Variants in PPFIA4 observed in about 807,000 individuals in gnomAD.
PPFIA4 encodes liprin-alpha-4.
Under a neutral mutation model 145.7 loss-of-function variants are expected in PPFIA4, and 98 were observed. The ratio of observed to expected loss-of-function variants is 0.67; its 90% CI spans 0.57 to 0.80. The LOEUF (loss-of-function observed/expected upper bound fraction) is 0.80. PPFIA4 is among the 30% of genes least tolerant of loss of function. PPFIA4 has a pLI of 0.00. For synonymous variants in PPFIA4, 628 were observed against 649.6 expected (o/e 0.97, Z 0.51); for missense variants, 1,457 against 1,632.7 (o/e 0.89, Z 1.85).
In PPFIA4 at chr1:203,078,502, A is replaced by C. The variant is rs114785998; in HGVS notation, c.*2112A>C. ...GGTGTTAAGAAGAGAACTCTGTGCA[A>C]ACAGTGATGGAAGGCTGTTGTCTTG... is the stretch of plus-strand genomic sequence containing the variant. On this transcript the variant is annotated 3_prime_UTR_variant, in exon 30 of 30. Coordinates refer to ENST00000295706, the MANE Select transcript of PPFIA4 (RefSeq NM_001304331.2). 4 of 152,532 alleles carry C rather than the reference A, an allele frequency of 2.6e-5. No homozygotes were observed. The highest frequency in any genetic ancestry group is 9.7e-5 in the African/African-American group (4 of 41,388). 9.4% of individuals were successfully genotyped at this position (152,532 alleles called of 1,614,324 possible).
At chr1:203,029,442 C>T (rs1242359056) in intron 1 of PPFIA4, among the ~76,000 whole-genome samples, 1 of 152,240 alleles carries the variant, frequency 6.6e-6, no homozygotes, top group African/African-American at 2.4e-5. Flanking sequence ...CCTGGCTGTG[C>T]CAGAGACTGA....
At chr1:203,051,596 CGTCT>C in intron 13 of PPFIA4, 169 bp from the exon 14 acceptor site, 1 of 1,260,644 alleles carries the variant, frequency 7.9e-7, no homozygotes, top group Non-Finnish European at 1.1e-6. Flanking sequence ...CCAGGGCATA[CGTCT>C]GCTCTCTTGC....
intron 12 of PPFIA4, 113 bp downstream of exon 12, chr1:203,049,093 T>C: frequency 1.1e-6 from 1 of 940,382 alleles, no homozygotes. Flanking sequence ...AGTGCATATG[T>C]TAGTGCACTA....
chr1:203,076,154 C>T, intron 29 of PPFIA4, 187 bp from the exon 30 acceptor site: 1 of 667,482 alleles, frequency 1.5e-6, no homozygotes, highest in South Asian at 1.8e-5. Flanking sequence ...GGCTGCCGGC[C>T]TGGCCCTGCC....
Position 203,053,841 on chromosome 1 carries a change from A to G in PPFIA4, c.1709A>G (p.Glu570Gly). 6.4e-7 allele frequency: 1 copy of G among 1,554,654 alleles called. No homozygotes were observed. Among genetic ancestry groups the G allele is most frequent in the Non-Finnish European group, 8.7e-7 (1 of 1,148,584 alleles). Residue 570 changes from glutamate (E) to glycine (G), a missense_variant, in exon 15 of 30, where the codon GAG becomes GGG. By Grantham distance (98) the Glu-to-Gly change is moderately conservative. Transcript: ENST00000295706. Reference sequence around the variant, plus strand: ...GACCCTGAGATCTCCGACGTGGATGAGGATGAGCCAGGGGGTCTGGTGGGC... The same window carrying G: ...GACCCTGAGATCTCCGACGTGGATGGGGATGAGCCAGGGGGTCTGGTGGGC... ...DSDPEISDVD[E>G]DEPGGLVGSA...
In PPFIA4 at chr1:203,043,952, T is replaced by C. The variant is rs771898675; in HGVS notation, c.358T>C (p.Cys120Arg). ...CCAGCTGCTTCTGGAACATCTGGAG[T>C]GCCTGGTGTCCCGCCATGAACGGTC... is the stretch of plus-strand genomic sequence containing the variant. Reference protein sequence around the residue: ...NTRLLLEHLECLVSRHERSLR... With the variant: ...NTRLLLEHLERLVSRHERSLR... Residue 120 changes from cysteine to arginine, a missense_variant, in exon 4 of 30, where the codon TGC (cysteine) becomes CGC (arginine). By Grantham distance (180) the Cys-to-Arg change is radical (BLOSUM62 -3). This residue lies in a region of PPFIA4 where 463 missense variants were observed against 459.8 expected (regional missense o/e 1.01). Transcript: ENST00000295706. The surrounding 1 kb of genome is among the most constrained non-coding windows in gnomAD (Gnocchi z 4.4). The C allele has an allele frequency of 3.7e-6, 6 of 1,607,492 alleles. No homozygotes were observed. In the Admixed American group the frequency reaches 6.7e-5, roughly 18 times the overall value.
intron 19 of PPFIA4, among the ~76,000 whole-genome samples, chr1:203,058,613 G>T (rs1038109871): frequency 4.6e-5 from 7 of 152,198 alleles, no homozygotes; most frequent in African/African-American, 1.7e-4. Context: ...GGACTTAAAA[G>T]AATTCTAAGA....
chr1:203,073,691 C>G (rs145530040), intron 28 of PPFIA4, among the ~76,000 whole-genome samples: 1 of 152,022 alleles, frequency 6.6e-6, no homozygotes, highest in Non-Finnish European at 1.5e-5. Context: ...GAGATGAGGA[C>G]TCAAGGGAAA....
intron 2 of PPFIA4, among the ~76,000 whole-genome samples, chr1:203,041,219 A>C (rs2102626259): frequency 6.6e-6 from 1 of 152,358 alleles, no homozygotes; most frequent in South Asian, 2.1e-4. Context: ...GTTTAGAAGC[A>C]GCAGGTGATC....
intron 1 of PPFIA4, among the ~76,000 whole-genome samples, chr1:203,032,412 T>C (rs1571653386): frequency 8.3e-6 from 1 of 120,928 alleles, no homozygotes; most frequent in Non-Finnish European, 1.8e-5. Flanking sequence ...AGGCTTGTAG[T>C]TCTCCCTTCC....
In PPFIA4 at chr1:203,056,874, G is replaced by A. The variant is rs766066959; in HGVS notation, c.2331G>A (p.Ser777=). The change falls in exon 19 of 30, where the codon TCG becomes TCA. Residue 777 remains serine (S), a synonymous_variant. Coordinates refer to ENST00000295706, the MANE Select transcript of PPFIA4 (RefSeq NM_001304331.2). ...GCGCCAAGCGCAAGGGCATCAAGTC[G>A]TCCATTGGCCGCCTGTTTGGGAAGA... is the stretch of plus-strand genomic sequence containing the variant. ...HKGAKRKGIK[S]SIGRLFGKKE... 8.1e-6 allele frequency: 13 copies of A among 1,614,088 alleles called. No homozygotes were observed. The Admixed American group carries it at 1.3e-4, about 17-fold the overall frequency.
chr1:203,046,211 T>A, intron 8 of PPFIA4, 37 bp from the exon 9 acceptor site: 1 of 1,563,724 alleles, frequency 6.4e-7, no homozygotes, highest in Non-Finnish European at 8.7e-7. Context: ...GCTTCAGTGC[T>A]CCCTTTTGAA....
chr1:203,054,184 A>G, intron 15 of PPFIA4: 1 of 698,588 alleles, frequency 1.4e-6, no homozygotes, highest in Non-Finnish European at 2.6e-6. Context: ...AGGGCTTGCG[A>G]TGTGGCTGGG....
rs1468410437 is a variant in PPFIA4, at chr1:203,039,192, A to G, written c.184A>G (p.Ile62Val). ...AATQSRLQDA[I>V]HERDQLQRHL... is the part of the protein sequence containing the mutation. ...CACACAGAGCCGGCTCCAGGATGCC[A>G]TACACGAGCGGGACCAGCTCCAGCG... Residue 62 changes from isoleucine to valine, a missense_variant, in exon 2 of 30, where the codon ATA becomes GTA. Around this residue, in one of 3 missense-constraint regions of PPFIA4, gnomAD observed 463 missense variants for 459.8 expected, o/e 1.01. Coordinates refer to ENST00000295706, the MANE Select transcript of PPFIA4 (RefSeq NM_001304331.2). The G allele has an allele frequency of 6.2e-7, 1 of 1,606,906 alleles. No homozygotes were observed. The highest frequency in any genetic ancestry group is 8.5e-7 in the Non-Finnish European group (1 of 1,177,280).
chr1:203,065,499 A>C (rs1249673131), intron 25 of PPFIA4, among the ~76,000 whole-genome samples: 1 of 152,144 alleles, frequency 6.6e-6, no homozygotes, highest in Non-Finnish European at 1.5e-5. Context: ...CCCAGCCAGG[A>C]CTATGGAAAT....
intron 1 of PPFIA4, among the ~76,000 whole-genome samples, chr1:203,030,839 A>ATG (rs1658772661): frequency 6.6e-6 from 1 of 152,200 alleles, no homozygotes; most frequent in Admixed American, 6.5e-5. Flanking sequence ...ATGCTTATGC[A>ATG]TGTATGACCA....
chr1:203,031,721 T>G (rs1658846214), intron 1 of PPFIA4, among the ~76,000 whole-genome samples: 1 of 152,242 alleles, frequency 6.6e-6, no homozygotes, highest in African/African-American at 2.4e-5. Flanking sequence ...ATCCCTAGTT[T>G]TGAAATATTT....
intron 1 of PPFIA4, among the ~76,000 whole-genome samples, chr1:203,028,267 G>A (rs1427755831): frequency 1.3e-5 from 2 of 152,156 alleles, no homozygotes; most frequent in Non-Finnish European, 2.9e-5. Flanking sequence ...TCTGGCTGCT[G>A]GGCTGTAAAG....
chr1:203,045,501 G>C lies in PPFIA4; in HGVS notation c.800G>C (p.Arg267Pro). The change falls in exon 7 of 30, where the codon CGC (arginine) becomes CCC (proline). Residue 267 changes from arginine (R) to proline (P), a missense_variant. Transcript: ENST00000295706. Reference protein sequence around the residue: ...TELEEDLGTARRDLIKSEELS... With the variant: ...TELEEDLGTAPRDLIKSEELS... ...CTCGAGGAGGACCTGGGCACGGCCC[G>C]CCGGGACCTCATCAAGTCGGAGGAG... 6.2e-7 allele frequency: 1 copy of C among 1,608,024 alleles called. No homozygotes were observed. Among genetic ancestry groups the C allele is most frequent in the Non-Finnish European group, 8.5e-7 (1 of 1,177,878 alleles).
Sources: allele counts gnomAD v4.1 joint callset (sites outside exome capture counted in the v4.1 genomes callset), GRCh38; gene constraint gnomAD v4.1.1; regional missense constraint gnomAD v4.1.1; non-coding constraint Gnocchi (gnomAD v3.1); transcripts MANE v1.5; gene names NCBI Gene and HGNC (gene_info 2026-07-23, HGNC 2026-07-21).